GDAP2: variants seen among roughly 807,000 people sequenced by gnomAD.
The protein encoded by GDAP2 is ganglioside-induced differentiation-associated protein 2.
Under a neutral mutation model 67.0 loss-of-function variants are expected in GDAP2, and 51 were observed. The observed-to-expected ratio is 0.76, with a 90% CI of 0.61 to 0.96. GDAP2 has a LOEUF of 0.96. GDAP2 is among the 40% of genes least tolerant of loss of function. The pLI is 0.00. For missense variants in GDAP2, 547 were observed against 588.3 expected (o/e 0.93, Z 0.73); for synonymous variants, 203 against 207.3 (o/e 0.98, Z 0.18).
chr1:117,883,788 T>C (rs1408870920), intron 10 of GDAP2, among the ~76,000 whole-genome samples, 161 bp from the exon 11 acceptor site: 1 of 152,152 alleles, frequency 6.6e-6, no homozygotes, highest in Non-Finnish European at 1.5e-5. Flanking sequence ...CCATTCTCTT[T>C]AAAAAGAGCT....
intron 6 of GDAP2, among the ~76,000 whole-genome samples, chr1:117,903,788 A>G (rs1291013948): frequency 1.3e-5 from 2 of 152,162 alleles, no homozygotes; most frequent in Admixed American, 1.3e-4. Flanking sequence ...TTTGCAGTCC[A>G]TAATAGTAAA....
intron 1 of GDAP2, among the ~76,000 whole-genome samples, chr1:117,928,165 A>G (rs1650525523): frequency 6.6e-6 from 1 of 152,224 alleles, no homozygotes; most frequent in African/African-American, 2.4e-5. Flanking sequence ...AAATGGAACC[A>G]GGCAGAGAAG....
At chr1:117,899,766 A>G (rs74113081) in intron 6 of GDAP2, among the ~76,000 whole-genome samples, 3,695 of 152,258 alleles carry the variant, frequency 0.024, 149 homozygotes, top group African/African-American at 0.083. Flanking sequence ...ATAAATCTGC[A>G]ATACATTAAA....
chr1:117,885,474 T>C (rs1436443543), intron 10 of GDAP2, among the ~76,000 whole-genome samples: 1 of 152,178 alleles, frequency 6.6e-6, no homozygotes, highest in African/African-American at 2.4e-5. Context: ...TGTTCTCCTA[T>C]TATATTCTAA....
At chr1:117,879,834 T>C (rs1648590104) in intron 12 of GDAP2, among the ~76,000 whole-genome samples, 2 of 151,956 alleles carry the variant, frequency 1.3e-5, no homozygotes, top group African/African-American at 2.4e-5. Flanking sequence ...AAAAAAGGTA[T>C]AGAATTAAAG....
At chr1:117,920,534 G>A (rs994714066) in intron 1 of GDAP2, 110 bp from the exon 2 acceptor site, 4 of 438,680 alleles carry the variant, frequency 9.1e-6, no homozygotes, top group African/African-American at 2.0e-5. Flanking sequence ...AGTATATTGT[G>A]TGATTATAGC....
intron 8 of GDAP2, among the ~76,000 whole-genome samples, chr1:117,895,723 C>A (rs1018705887): frequency 6.6e-6 from 1 of 152,104 alleles, no homozygotes; most frequent in South Asian, 2.1e-4. Flanking sequence ...GTGGCTCATA[C>A]GCTTTTGTTT....
At chr1:117,924,080 T>C (rs1650355918) in intron 1 of GDAP2, among the ~76,000 whole-genome samples, 1 of 152,236 alleles carries the variant, frequency 6.6e-6, no homozygotes, top group Admixed American at 6.5e-5. Flanking sequence ...TGGTGTATCT[T>C]TCATCAGGAG....
chr1:117,909,684 A>T (rs1649783010), intron 5 of GDAP2, among the ~76,000 whole-genome samples: 1 of 152,196 alleles, frequency 6.6e-6, no homozygotes, highest in South Asian at 2.1e-4. Context: ...CCACTTTTTA[A>T]GAGCTGTACA....
chr1:117,912,458 G>A (rs1649889137), intron 4 of GDAP2, 72 bp downstream of exon 4: 1 of 1,308,536 alleles, frequency 7.6e-7, no homozygotes, highest in Non-Finnish European at 1.1e-6. Context: ...AAAAACTGGG[G>A]CCTTTATCTT....
At chr1:117,917,019 G>A (rs1279767252) in intron 3 of GDAP2, among the ~76,000 whole-genome samples, 1 of 149,830 alleles carries the variant, frequency 6.7e-6, no homozygotes, top group Admixed American at 6.6e-5. Flanking sequence ...GGGTGACAGA[G>A]CAAGACTCTG....
At position 117,905,863 on chromosome 1, in the gene GDAP2, G is replaced by A. The variant is rs563485947; in HGVS notation, c.636+643C>T. Reference sequence around the variant, plus strand: ...TACTTCACTAATAGATAGCTAATACGAATGTATTAGCTTATTTTATTATCA... The same window carrying A: ...TACTTCACTAATAGATAGCTAATACAAATGTATTAGCTTATTTTATTATCA... On this transcript the variant is annotated intron_variant, in intron 6 of 13. Coordinates refer to ENST00000369443, the MANE Select transcript of GDAP2 (RefSeq NM_017686.4). 7.2e-5 allele frequency among the ~76,000 whole-genome samples: 11 copies of A among 152,076 alleles called. No individual in the cohort carries two copies. The East Asian group carries it at 9.7e-4, about 13-fold the overall frequency.
intron 1 of GDAP2, among the ~76,000 whole-genome samples, chr1:117,927,334 A>C (rs550943754): frequency 2.6e-5 from 4 of 152,290 alleles, no homozygotes; most frequent in African/African-American, 9.6e-5. Flanking sequence ...AAAACTGGGC[A>C]AAATTGGGCA....
At chr1:117,922,694 G>T (rs1038959218) in intron 1 of GDAP2, among the ~76,000 whole-genome samples, 2 of 152,212 alleles carry the variant, frequency 1.3e-5, no homozygotes, top group African/African-American at 4.8e-5. Flanking sequence ...TACGAATAGG[G>T]TGTGGGTCAC....
intron 1 of GDAP2, 56 bp from the exon 2 acceptor site, chr1:117,920,480 T>G: frequency 6.6e-6 from 4 of 607,956 alleles, no homozygotes; most frequent in Non-Finnish European, 1.1e-5. Context: ...TTACTTGAAT[T>G]CTATTAAAGC....
intron 11 of GDAP2, among the ~76,000 whole-genome samples, chr1:117,882,396 T>C (rs1226106642): frequency 2.0e-5 from 3 of 152,124 alleles, no homozygotes; most frequent in Non-Finnish European, 4.4e-5. Context: ...AGTACTATTA[T>C]TGCAGCTATT....
At chr1:117,908,212 T>C (rs1212357904) in intron 5 of GDAP2, among the ~76,000 whole-genome samples, 1 of 152,054 alleles carries the variant, frequency 6.6e-6, no homozygotes. Context: ...TAAGAATTTC[T>C]CACATTTTAT....
intron 5 of GDAP2, among the ~76,000 whole-genome samples, chr1:117,908,591 G>A (rs926744252): frequency 2.6e-5 from 4 of 152,064 alleles, no homozygotes; most frequent in Non-Finnish European, 4.4e-5. Flanking sequence ...GGGAGGTGAG[G>A]GCAAGACGAT....
chr1:117,903,860 G>A (rs951847425), intron 6 of GDAP2, among the ~76,000 whole-genome samples: 1 of 152,168 alleles, frequency 6.6e-6, no homozygotes, highest in African/African-American at 2.4e-5. Context: ...AATGTAAGGA[G>A]ACAGCAGCCC....
Sources: allele counts gnomAD v4.1 joint callset (sites outside exome capture counted in the v4.1 genomes callset), GRCh38; gene constraint gnomAD v4.1.1; transcripts MANE v1.5; gene names NCBI Gene and HGNC (gene_info 2026-07-23, HGNC 2026-07-21).